ALG5: variants seen among roughly 807,000 people sequenced by gnomAD.
ALG5 encodes the protein dolichyl-phosphate beta-glucosyltransferase.
Under a neutral mutation model 51.8 loss-of-function variants are expected in ALG5, and 26 were observed. The ratio of observed to expected loss-of-function variants is 0.50; its 90% CI spans 0.37 to 0.70. The LOEUF is 0.70. ALG5 is among the 30% of genes least tolerant of loss of function. ALG5 has a pLI of 0.00. For synonymous variants in ALG5, 141 were observed against 136.1 expected (o/e 1.04, Z -0.25); for missense variants, 311 against 399.3 (o/e 0.78, Z 1.88).
At chr13:36,964,329 G>C (rs1040842951) in intron 8 of ALG5, among the ~76,000 whole-genome samples, 2 of 152,202 alleles carry the variant, frequency 1.3e-5, no homozygotes, top group African/African-American at 4.8e-5. Flanking sequence ...ACTTAAGTTT[G>C]CAAAGACCTT....
chr13:36,959,748 G>GT (rs2138784871), intron 8 of ALG5, among the ~76,000 whole-genome samples: 1 of 152,138 alleles, frequency 6.6e-6, no homozygotes, highest in South Asian at 2.1e-4. Context: ...TAAAACAAAT[G>GT]TGAGGGTAGA....
At chr13:36,965,945 TC>T (rs1363025059) in intron 7 of ALG5, among the ~76,000 whole-genome samples, 1 of 152,174 alleles carries the variant, frequency 6.6e-6, no homozygotes, top group Non-Finnish European at 1.5e-5. Flanking sequence ...AAGCAGTTAC[TC>T]ATTTCCTGGA....
chr13:36,995,973 C>A (rs1433608837), intron 1 of ALG5, among the ~76,000 whole-genome samples: 1 of 152,130 alleles, frequency 6.6e-6, no homozygotes, highest in African/African-American at 2.4e-5. Flanking sequence ...GACACACACA[C>A]ATATAGTAAG....
chr13:36,958,678 C>T (rs2058851800), intron 8 of ALG5, among the ~76,000 whole-genome samples: 1 of 152,110 alleles, frequency 6.6e-6, no homozygotes, highest in Non-Finnish European at 1.5e-5. Flanking sequence ...GCTGGATTTC[C>T]TAGGCCGACT....
chr13:36,999,133 TCTC>T, intron 1 of ALG5, 99 bp downstream of exon 1: 2 of 1,114,724 alleles, frequency 1.8e-6, no homozygotes, highest in Non-Finnish European at 1.2e-6. Context: ...AAAAGGGACT[TCTC>T]CGAGAACTGG....
intron 6 of ALG5, among the ~76,000 whole-genome samples, chr13:36,980,978 A>C (rs2058976861): frequency 6.6e-6 from 1 of 152,102 alleles, no homozygotes; most frequent in African/African-American, 2.4e-5. Context: ...TGTCTCAAAA[A>C]TAAAATAAAA....
intron 6 of ALG5, among the ~76,000 whole-genome samples, chr13:36,983,800 A>C (rs2058990167): frequency 6.6e-6 from 1 of 152,110 alleles, no homozygotes; most frequent in South Asian, 2.1e-4. Flanking sequence ...AACAAAAAAA[A>C]CAGCTAGAAA....
At chr13:36,983,652 T>C (rs1181184981) in intron 6 of ALG5, among the ~76,000 whole-genome samples, 1 of 152,108 alleles carries the variant, frequency 6.6e-6, no homozygotes, top group Non-Finnish European at 1.5e-5. Flanking sequence ...TCATTTTATT[T>C]AAATTTAAAT....
At chr13:36,967,307 A>C (rs1408961739) in intron 7 of ALG5, among the ~76,000 whole-genome samples, 2 of 152,134 alleles carry the variant, frequency 1.3e-5, no homozygotes, top group African/African-American at 4.8e-5. Flanking sequence ...TCCGTTACTA[A>C]TTAGCAGGGT....
chr13:36,985,514 T>C, intron 6 of ALG5, 113 bp downstream of exon 6: 1 of 730,652 alleles, frequency 1.4e-6, no homozygotes, highest in East Asian at 2.6e-5. Flanking sequence ...GTATAAGGAT[T>C]TCATACCAAA....
intron 7 of ALG5, among the ~76,000 whole-genome samples, chr13:36,970,607 C>CA (rs201745342): frequency 1.9e-4 from 26 of 134,914 alleles, no homozygotes; most frequent in African/African-American, 3.1e-4. Context: ...CTCATAAAAA[C>CA]AAAAAAAACA....
At chr13:36,985,546 T>G in intron 6 of ALG5, 81 bp downstream of exon 6, 1 of 1,104,366 alleles carries the variant, frequency 9.1e-7, no homozygotes, top group Non-Finnish European at 1.3e-6. Context: ...TTTAAACTGA[T>G]AGGTAAACTC....
intron 8 of ALG5, among the ~76,000 whole-genome samples, chr13:36,963,580 G>A (rs1291080943): frequency 2.0e-5 from 3 of 151,950 alleles, no homozygotes; most frequent in African/African-American, 4.8e-5. Context: ...TTCTGATTTC[G>A]AAGTCTATTA....
intron 8 of ALG5, among the ~76,000 whole-genome samples, chr13:36,961,029 T>C (rs1305460682): frequency 1.3e-5 from 2 of 152,114 alleles, no homozygotes; most frequent in South Asian, 2.1e-4. Context: ...TGGTTCTCCA[T>C]ATCCATGGGT....
chr13:36,979,626 GT>G (rs1242508305), intron 6 of ALG5, among the ~76,000 whole-genome samples: 9 of 152,190 alleles, frequency 5.9e-5, no homozygotes, highest in Non-Finnish European at 1.2e-4. Flanking sequence ...AGTTGTGCGT[GT>G]AGTTAAGATC....
At chr13:36,972,468 T>C (rs1363887426) in intron 6 of ALG5, among the ~76,000 whole-genome samples, 2 of 152,154 alleles carry the variant, frequency 1.3e-5, no homozygotes, top group African/African-American at 2.4e-5. Context: ...TGAATATATA[T>C]ACAAAACTTT....
In ALG5 at chr13:36,995,488, T is replaced by C. The variant is rs910825564; in HGVS notation, c.175A>G (p.Ile59Val). ...AKGQKETLPS[I>V]WDSPTKQLSV... ...AGTTGTTTGGTAGGTGAGTCCCATA[T>C]GCTGGGTAAAGTTTCTTTCTGGCCT... is the stretch of plus-strand genomic sequence containing the variant. The change falls in exon 2 of 10, where the codon ATA becomes GTA. Residue 59 changes from isoleucine to valine, a missense_variant. By Grantham distance (29) the Ile-to-Val change is conservative. Coordinates refer to ENST00000239891, the MANE Select transcript of ALG5 (RefSeq NM_013338.5). 3.1e-6 allele frequency: 5 copies of C among 1,611,496 alleles called. No homozygotes were observed. Among genetic ancestry groups the C allele is most frequent in the Non-Finnish European group, 4.2e-6 (5 of 1,179,518 alleles).
chr13:36,968,951 G>A (rs1330133952), intron 7 of ALG5, among the ~76,000 whole-genome samples: 2 of 152,214 alleles, frequency 1.3e-5, no homozygotes, highest in African/African-American at 4.8e-5. Context: ...GACAACCAAT[G>A]ATCTCTAGTG....
At chr13:36,996,041 C>T (rs1377473265) in intron 1 of ALG5, among the ~76,000 whole-genome samples, 1 of 150,788 alleles carries the variant, frequency 6.6e-6, no homozygotes, top group African/African-American at 2.5e-5. Flanking sequence ...GCAGTTGGAA[C>T]ATGCGGGGTG....
Sources: allele counts gnomAD v4.1 joint callset (sites outside exome capture counted in the v4.1 genomes callset), GRCh38; gene constraint gnomAD v4.1.1; transcripts MANE v1.5; gene names NCBI Gene and HGNC (gene_info 2026-07-23, HGNC 2026-07-21).